Variants in RPS6KA5 observed in about 807,000 individuals in gnomAD.
RPS6KA5 encodes ribosomal protein S6 kinase alpha-5.
A neutral mutation model predicts 85.5 loss-of-function variants in RPS6KA5; 27 were observed. The observed-to-expected ratio is 0.32, with a 90% CI of 0.23 to 0.44. RPS6KA5 has a LOEUF of 0.44. Ranked by LOEUF, RPS6KA5 falls within the 20% of genes least tolerant of loss-of-function variation. The pLI is 1.00. For synonymous variants in RPS6KA5, 334 were observed against 348.2 expected (o/e 0.96, Z 0.46); for missense variants, 811 against 980.9 (o/e 0.83, Z 2.31).
rs879855663 is a variant in RPS6KA5 at position 90,854,619 on chromosome 14, C to T, written c.*17455G>A. On this transcript the variant is annotated 3_prime_UTR_variant, in exon 17 of 17. Coordinates refer to ENST00000614987, the MANE Select transcript of RPS6KA5 (RefSeq NM_004755.4). Reference sequence around the variant, plus strand: ...CACTGGAATTTAAAAATCTGGAATACTTTAACAGTAGACTTTACTCAAATA... The same window carrying T: ...CACTGGAATTTAAAAATCTGGAATATTTTAACAGTAGACTTTACTCAAATA... 6.6e-6 allele frequency: 1 copy of T among 152,104 alleles called. No homozygotes were observed. The highest frequency in any genetic ancestry group is 6.6e-5 in the Admixed American group (1 of 15,262). The allele number at this position is 152,104 out of a possible 1,614,324, so 9.4% of individuals were successfully genotyped here. A position where few individuals can be genotyped will look rare whatever the true frequency, so the allele number is the denominator to read the frequency against.
chr14:90,888,042 T>C (rs2140185292), intron 14 of RPS6KA5, among the ~76,000 whole-genome samples: 1 of 152,118 alleles, frequency 6.6e-6, no homozygotes, highest in South Asian at 2.1e-4. Context: ...ATGTGTCTTT[T>C]CATCTATAAG....
intron 3 of RPS6KA5, among the ~76,000 whole-genome samples, chr14:90,958,076 G>A (rs1416566110): frequency 6.6e-6 from 1 of 152,136 alleles, no homozygotes; most frequent in Non-Finnish European, 1.5e-5. Flanking sequence ...GGAGGTCAAG[G>A]CTGCAGTGAA....
rs557825831 is a variant in RPS6KA5 at position 90,904,622 on chromosome 14, G to T, written c.957+1527C>A. ...TATTAAAATAAACTTCTAGAGGAAAGGGGTAATTTAAAGAAACATGTTGTT... is the reference window on the plus strand; with the variant it reads ...TATTAAAATAAACTTCTAGAGGAAATGGGTAATTTAAAGAAACATGTTGTT... On this transcript the variant is annotated intron_variant, in intron 8 of 16. Coordinates refer to ENST00000614987, the MANE Select transcript of RPS6KA5 (RefSeq NM_004755.4). 4.6e-5 allele frequency among the ~76,000 whole-genome samples: 7 copies of T among 152,234 alleles called. No homozygotes were observed. The South Asian group carries it at 1.4e-3, about 32-fold the overall frequency.
In RPS6KA5 at chr14:90,906,304, A is replaced by G; in HGVS notation, c.807-5T>C. The G allele has an allele frequency of 6.4e-7, 1 of 1,571,460 alleles. No homozygotes were observed. Among genetic ancestry groups the G allele is most frequent in the Admixed American group, 1.8e-5 (1 of 55,144 alleles). On this transcript the variant is annotated splice_region_variant and splice_polypyrimidine_tract_variant and intron_variant, in intron 7 of 16. Coordinates refer to ENST00000614987, the MANE Select transcript of RPS6KA5 (RefSeq NM_004755.4). Reference sequence around the variant, plus strand: ...GGCTCACTTTTTAATATTCTCCTGTAGGCAGACAAAACTTGCTGTTAAAAC... The same window carrying G: ...GGCTCACTTTTTAATATTCTCCTGTGGGCAGACAAAACTTGCTGTTAAAAC...
At chr14:90,881,739 G>A (rs1399372348) in intron 14 of RPS6KA5, among the ~76,000 whole-genome samples, 3 of 152,000 alleles carry the variant, frequency 2.0e-5, no homozygotes, top group Non-Finnish European at 2.9e-5. Flanking sequence ...GACCTCAAGC[G>A]ACTCGCCTGC....
intron 3 of RPS6KA5, among the ~76,000 whole-genome samples, chr14:90,948,376 G>A (rs947727053): frequency 6.6e-6 from 1 of 152,110 alleles, no homozygotes; most frequent in Non-Finnish European, 1.5e-5. Context: ...AATAAGTGTT[G>A]CAAAAAAGCT....
intron 1 of RPS6KA5, among the ~76,000 whole-genome samples, chr14:91,027,295 G>A (rs1424150968): frequency 6.6e-6 from 1 of 152,160 alleles, no homozygotes; most frequent in Non-Finnish European, 1.5e-5. Context: ...ATGGTGAAAG[G>A]TAGGGGTCCA....
At chr14:90,991,845 A>G (rs2040323574) in intron 2 of RPS6KA5, among the ~76,000 whole-genome samples, 1 of 152,194 alleles carries the variant, frequency 6.6e-6, no homozygotes, top group Non-Finnish European at 1.5e-5. Flanking sequence ...CAGATAGTTC[A>G]AGAGAAGCAA....
At chr14:90,962,738 G>C (rs2038871824) in intron 3 of RPS6KA5, among the ~76,000 whole-genome samples, 1 of 152,136 alleles carries the variant, frequency 6.6e-6, no homozygotes, top group Admixed American at 6.5e-5. Flanking sequence ...ACAATACAAA[G>C]AATCCCTATA....
chr14:90,983,677 G>A (rs898128677), intron 2 of RPS6KA5, among the ~76,000 whole-genome samples: 27 of 151,512 alleles, frequency 1.8e-4, no homozygotes, highest in Non-Finnish European at 3.8e-4. Context: ...AAAGAAAAGG[G>A]AAGGGAAGGG....
chr14:90,894,250 A>G, intron 13 of RPS6KA5, 163 bp downstream of exon 13: 3 of 1,251,882 alleles, frequency 2.4e-6, no homozygotes, highest in Non-Finnish European at 3.0e-6. Context: ...TTAGACTGAA[A>G]TATAAAAGAA....
chr14:90,948,222 C>G (rs2037975125), intron 3 of RPS6KA5, among the ~76,000 whole-genome samples: 4 of 152,156 alleles, frequency 2.6e-5, no homozygotes, highest in Admixed American at 2.6e-4. Context: ...TTTTAAAAAA[C>G]CAAAATAGTT....
At chr14:90,997,019 C>A (rs1288837630) in intron 2 of RPS6KA5, among the ~76,000 whole-genome samples, 1 of 152,118 alleles carries the variant, frequency 6.6e-6, no homozygotes, top group Admixed American at 6.5e-5. Context: ...AAGAAACATG[C>A]CAAGACACTA....
intron 1 of RPS6KA5, among the ~76,000 whole-genome samples, chr14:91,037,702 A>G (rs561664279): frequency 1.3e-5 from 2 of 152,340 alleles, no homozygotes; most frequent in South Asian, 4.1e-4. Context: ...GGTCATACTC[A>G]TGTCCAAGCT....
intron 3 of RPS6KA5, among the ~76,000 whole-genome samples, chr14:90,948,949 A>G (rs1595303033): frequency 2.0e-5 from 3 of 152,232 alleles, no homozygotes; most frequent in African/African-American, 7.2e-5. Context: ...TTAACTTTAA[A>G]TTCCAAAAAG....
chr14:91,059,634 G>T (rs1452667921), intron 1 of RPS6KA5, among the ~76,000 whole-genome samples: 1 of 152,232 alleles, frequency 6.6e-6, no homozygotes, highest in Non-Finnish European at 1.5e-5. Flanking sequence ...TAGAACGTAA[G>T]CGCTGAAGCC....
chr14:90,956,023 A>G (rs1419865134), intron 3 of RPS6KA5, among the ~76,000 whole-genome samples: 1 of 152,210 alleles, frequency 6.6e-6, no homozygotes, highest in African/African-American at 2.4e-5. Flanking sequence ...AATGCAAAGA[A>G]AAAACCGTTT....
intron 1 of RPS6KA5, among the ~76,000 whole-genome samples, chr14:91,044,391 AGGAAAGAAAG>A: frequency 6.3e-5 from 1 of 15,962 alleles, no homozygotes; most frequent in Admixed American, 5.9e-4. Context: ...GAAAGAAAGA[AGGAAAGAAAG>A]AAAGAAAGAA....
intron 13 of RPS6KA5, 159 bp downstream of exon 13, chr14:90,894,254 A>G: frequency 8.0e-7 from 1 of 1,254,428 alleles, no homozygotes; most frequent in South Asian, 3.5e-5. Context: ...ACTGAAATAT[A>G]AAAGAAAAAA....
Sources: gnomAD v4.1 joint callset for allele counts (sites outside exome capture counted in the v4.1 genomes callset) on GRCh38, gnomAD v4.1.1 for gene constraint, MANE v1.5 for transcripts, NCBI Gene and HGNC (gene_info 2026-07-23, HGNC 2026-07-21) for gene names.